UBXN6: variants seen among roughly 807,000 people sequenced by gnomAD.
The protein encoded by UBXN6 is UBX domain protein 6.
UBXN6 carries 44 observed loss-of-function variants against 51.4 expected under a neutral mutation model. The observed-to-expected ratio is 0.86, with a 90% CI of 0.67 to 1.10. The LOEUF (loss-of-function observed/expected upper bound fraction) is 1.10. Ranked by LOEUF, UBXN6 falls within the 50% of genes least tolerant of loss-of-function variation. The pLI is 0.00. For missense variants in UBXN6, 672 were observed against 596.1 expected (o/e 1.13, Z -1.32); for synonymous variants, 316 against 263.2 (o/e 1.20, Z -1.94).
intron 10 of UBXN6, 94 bp from the exon 11 acceptor site, chr19:4,445,717 G>T: frequency 6.5e-7 from 1 of 1,536,322 alleles, no homozygotes; most frequent in Non-Finnish European, 8.7e-7. Context: ...GGATGCCCCG[G>T]CCTGGAAGCC....
chr19:4,447,895 G>A, intron 5 of UBXN6: 5 of 525,058 alleles, frequency 9.5e-6, no homozygotes, highest in East Asian at 3.3e-5. Flanking sequence ...CCACAGCGGT[G>A]GGGAAGCCAC....
intron 10 of UBXN6, 40 bp from the exon 11 acceptor site, chr19:4,445,663 G>A (rs181653820): frequency 4.3e-5 from 68 of 1,591,136 alleles, no homozygotes; most frequent in South Asian, 1.9e-4. Flanking sequence ...ACCGAGAGTC[G>A]GCCCTTGCCG....
upstream of UBXN6, chr19:4,457,800 A>AT (rs1568194781): frequency 1.9e-5 from 7 of 371,142 alleles, no homozygotes; most frequent in East Asian, 9.6e-5. Flanking sequence ...AAAATTAAAA[A>AT]AAAAAAAAAA....
rs186362606 is a variant in UBXN6, at chr19:4,452,920, A to C, written c.313-428T>G. ...CTAAGGTCCCTGCGTGCTAAAATTC[A>C]CTGAATCCTCGAGGGTCAAGCTGCT... On this transcript the variant is annotated intron_variant, in intron 3 of 10. Transcript: ENST00000301281. Among the ~76,000 whole-genome samples the C allele has an allele frequency of 5.3e-5, 8 of 152,260 alleles. No homozygotes were observed. The East Asian group carries it at 1.4e-3, about 26-fold the overall frequency.
rs145656576 is a variant in UBXN6, at chr19:4,453,484, T to A, written c.286A>T (p.Ser96Cys). 1.2e-6 allele frequency: 2 copies of A among 1,613,728 alleles called. No individual in the cohort carries two copies. The highest frequency in any genetic ancestry group is 2.7e-5 in the African/African-American group (2 of 74,936). The change falls in exon 3 of 11, where the codon AGC (serine) becomes TGC (cysteine). Residue 96 changes from serine to cysteine, a missense_variant. Ser to Cys is a moderately radical substitution (Grantham distance 112, BLOSUM62 -1). Coordinates refer to ENST00000301281, the MANE Select transcript of UBXN6 (RefSeq NM_025241.3). ...ACGTTGGTCCCTGGGGCCTCGGGGC[T>A]CCCGCTGACGGTGGCTTCGGCTTGA... Reference protein sequence around the residue: ...ELQAEATVSGSPEAPGTNVVS... With the variant: ...ELQAEATVSGCPEAPGTNVVS...
intron 10 of UBXN6, 29 bp from the exon 11 acceptor site, chr19:4,445,652 G>T: frequency 6.2e-7 from 1 of 1,600,080 alleles, no homozygotes; most frequent in South Asian, 1.1e-5. Flanking sequence ...GTCACTCTGA[G>T]ACCGAGAGTC....
chr19:4,456,643 T>G (rs1974743008), intron 1 of UBXN6, among the ~76,000 whole-genome samples: 1 of 152,002 alleles, frequency 6.6e-6, no homozygotes, highest in Non-Finnish European at 1.5e-5. Flanking sequence ...CCCAGCTGGC[T>G]CAGCCCTGCT....
At chr19:4,456,626 C>A (rs1206366497) in intron 1 of UBXN6, among the ~76,000 whole-genome samples, 2 of 152,262 alleles carry the variant, frequency 1.3e-5, no homozygotes, top group African/African-American at 4.8e-5. Context: ...ACTTCTTCCC[C>A]GGCCCTCCCA....
intron 4 of UBXN6, 178 bp from the exon 5 acceptor site, chr19:4,448,593 C>T (rs949861415): frequency 9.7e-6 from 6 of 615,824 alleles, no homozygotes; most frequent in Non-Finnish European, 1.7e-5. Flanking sequence ...CCTGCCCACG[C>T]CCCAGGGCAG....
intron 5 of UBXN6, chr19:4,447,979 G>C (rs1406448163): frequency 1.2e-5 from 6 of 501,676 alleles, no homozygotes; most frequent in Non-Finnish European, 2.2e-5. Flanking sequence ...GTGCTCCCTC[G>C]GCGTTGGCGG....
intron 3 of UBXN6, among the ~76,000 whole-genome samples, chr19:4,452,840 G>A (rs185223028): frequency 1.4e-4 from 21 of 152,324 alleles, no homozygotes; most frequent in African/African-American, 4.1e-4. Flanking sequence ...GGGTGTCTGC[G>A]GGCACAGTGC....
chr19:4,448,785 C>T (rs1202109127), intron 4 of UBXN6: 9 of 253,968 alleles, frequency 3.5e-5, no homozygotes, highest in Non-Finnish European at 7.0e-5. Context: ...CTCCCGCCAC[C>T]ATGGACGCCC....
At position 4,446,423 on chromosome 19, in the gene UBXN6, C is replaced by A. The variant is rs142895800; in HGVS notation, c.921-10G>T. 2.5e-6 allele frequency: 4 copies of A among 1,575,832 alleles called. No individual in the cohort carries two copies. In the African/African-American group the frequency reaches 4.0e-5, roughly 16 times the overall value. On this transcript the variant is annotated splice_polypyrimidine_tract_variant and intron_variant, in intron 8 of 10. Transcript: ENST00000301281. ...CTCCACCGCCTCGGACCTGCACACG[C>A]GGGCCAGGTCACGAGGGCTGGCCGG...
intron 5 of UBXN6, 66 bp downstream of exon 5, chr19:4,448,252 C>A: frequency 7.1e-7 from 1 of 1,414,628 alleles, no homozygotes; most frequent in South Asian, 1.2e-5. Flanking sequence ...GGGGTGACAG[C>A]CCCAGTGGGA....
At chr19:4,446,024 G>A (rs373118368) in intron 10 of UBXN6, 25 bp downstream of exon 10, 79 of 1,595,982 alleles carry the variant, frequency 4.9e-5, no homozygotes, top group Non-Finnish European at 6.4e-5. Flanking sequence ...TCGGGTCAGC[G>A]GTGCTCCTGC....
chr19:4,451,502 G>A (rs1358338846), intron 4 of UBXN6, among the ~76,000 whole-genome samples: 9 of 152,308 alleles, frequency 5.9e-5, no homozygotes, highest in Admixed American at 3.3e-4. Context: ...GCAGGTGCAC[G>A]CCACCATGCC....
chr19:4,446,283 C>G lies in UBXN6; in HGVS notation c.1051G>C (p.Gly351Arg). 1 of 1,571,484 alleles carries G rather than the reference C, an allele frequency of 6.4e-7. No homozygotes were observed. Among genetic ancestry groups the G allele is most frequent in the Non-Finnish European group, 8.6e-7 (1 of 1,162,734 alleles). The change falls in exon 9 of 11, where the codon GGC becomes CGC. Residue 351 changes from glycine to arginine, a missense_variant and splice_region_variant. Gly to Arg is a moderately radical substitution (Grantham distance 125). Coordinates refer to ENST00000301281, the MANE Select transcript of UBXN6 (RefSeq NM_025241.3). The stretch of plus-strand genomic sequence containing the variant: ...CTCCACGGGCATCGTTGGTGCCCAC[C>G]CTGCAGGAGGCAGCCATCGGGGAGG... ...VRLPDGCLLQ[G>R]TFYARERLGA...
At position 4,445,519 on chromosome 19, in the gene UBXN6, T is replaced by C. The variant is rs1424164243; in HGVS notation, c.1305A>G (p.Ser435=). 6 of 1,613,812 alleles carry C rather than the reference T, an allele frequency of 3.7e-6. No homozygotes were observed. The highest frequency in any genetic ancestry group is 1.7e-5 in the Admixed American group (1 of 60,002). Residue 435 remains serine (S), a synonymous_variant, in exon 11 of 11, where the codon TCA becomes TCG. Coordinates refer to ENST00000301281, the MANE Select transcript of UBXN6 (RefSeq NM_025241.3). ...PDSILKPELL[S]AIEKLL is the part of the protein sequence containing the mutation. ...TATTTCACAAGAGCTTCTCGATGGC[T>C]GACAGGAGCTCGGGTTTCAGGATGG...
chr19:4,447,486 G>A (rs557317932), intron 6 of UBXN6, 64 bp downstream of exon 6: 377 of 1,580,258 alleles, frequency 2.4e-4, no homozygotes, highest in Admixed American at 1.0e-3. Flanking sequence ...GGCCACCACC[G>A]GCTCCTGCAG....
Sources: allele counts gnomAD v4.1 joint callset (sites outside exome capture counted in the v4.1 genomes callset), GRCh38; gene constraint gnomAD v4.1.1; transcripts MANE v1.5; gene names NCBI Gene and HGNC (gene_info 2026-07-23, HGNC 2026-07-21).